ANKFY1: variants seen among roughly 807,000 people sequenced by gnomAD.
ANKFY1 encodes ankyrin repeat and FYVE domain containing 1, also known as ankyrin repeat and FYVE domain-containing protein 1.
A neutral mutation model predicts 128.3 loss-of-function variants in ANKFY1; 47 were observed. The ratio of observed to expected loss-of-function variants is 0.37; its 90% CI spans 0.29 to 0.47. ANKFY1 has a LOEUF of 0.47. Ranked by LOEUF, ANKFY1 falls within the 20% of genes least tolerant of loss-of-function variation. ANKFY1 has a pLI of 1.00. For missense variants in ANKFY1, 1,222 were observed against 1,510.6 expected (o/e 0.81, Z 3.17); for synonymous variants, 553 against 601.6 (o/e 0.92, Z 1.18).
chr17:4,166,612 C>T lies in ANKFY1; in HGVS notation c.*1167G>A, dbSNP rs1043782860. ...GAGACTTCCAAAGTAAGGTGGCGCA[C>T]ACGTGGCCAGGGCCCTTGGCTGGTG... On this transcript the variant is annotated 3_prime_UTR_variant, in exon 25 of 25. Coordinates refer to ENST00000341657, the MANE Select transcript of ANKFY1 (RefSeq NM_001330063.2). 2 of 152,448 alleles carry T rather than the reference C, an allele frequency of 1.3e-5. No individual in the cohort carries two copies. The highest frequency in any genetic ancestry group is 3.8e-4 in the East Asian group (2 of 5,204). The allele number at this position is 152,448 out of a possible 1,614,324, so 9.4% of individuals were successfully genotyped here.
chr17:4,189,494 G>C lies in ANKFY1; in HGVS notation c.1373-15C>G. ...TAAACAGTTTCCTAAAAGAAAATGG[G>C]CATTGCTGATTCTTCTGTTTGCATC... On this transcript the variant is annotated splice_polypyrimidine_tract_variant and intron_variant, in intron 10 of 24. Coordinates refer to ENST00000341657, the MANE Select transcript of ANKFY1 (RefSeq NM_001330063.2). 1.3e-6 allele frequency: 2 copies of C among 1,559,708 alleles called. No homozygotes were observed. The highest frequency in any genetic ancestry group is 1.7e-6 in the Non-Finnish European group (2 of 1,147,846).
Position 4,163,879 on chromosome 17 carries a change from T to G in ANKFY1, c.*3900A>C, listed in dbSNP as rs760222511. ...CTTCTGCATTAGAAGTAACTACAAA[T>G]GTCTTATTAAAGTTTCCACTTTAAA... On this transcript the variant is annotated 3_prime_UTR_variant, in exon 25 of 25. Coordinates refer to ENST00000341657, the MANE Select transcript of ANKFY1 (RefSeq NM_001330063.2). 3.9e-5 allele frequency: 6 copies of G among 152,708 alleles called. No homozygotes were observed. Among genetic ancestry groups the G allele is most frequent in the Non-Finnish European group, 8.8e-5 (6 of 68,056 alleles). The allele number at this position is 152,708 out of a possible 1,614,324, so 9.5% of individuals were successfully genotyped here. A position where few individuals can be genotyped will look rare whatever the true frequency, so the allele number is the denominator to read the frequency against.
chr17:4,261,844 T>C (rs999247180), intron 1 of ANKFY1, among the ~76,000 whole-genome samples: 4 of 152,244 alleles, frequency 2.6e-5, no homozygotes, highest in African/African-American at 7.2e-5. Flanking sequence ...AAGACCTTCC[T>C]GAACCTTTCT....
intron 1 of ANKFY1, among the ~76,000 whole-genome samples, chr17:4,262,762 A>C (rs943490119): frequency 8.6e-5 from 13 of 151,694 alleles, no homozygotes; most frequent in South Asian, 2.1e-4. Flanking sequence ...ACACACACAC[A>C]CCCCCCAAAA....
chr17:4,212,943 G>T (rs1472465603), intron 4 of ANKFY1, among the ~76,000 whole-genome samples: 1 of 151,262 alleles, frequency 6.6e-6, no homozygotes, highest in African/African-American at 2.4e-5. Context: ...GCTAATTTTT[G>T]TATTTTTTTT....
intron 3 of ANKFY1, among the ~76,000 whole-genome samples, chr17:4,232,414 C>T (rs1306009181): frequency 6.6e-6 from 1 of 152,152 alleles, no homozygotes; most frequent in African/African-American, 2.4e-5. Context: ...CATGCCACTA[C>T]CACCTTGGAC....
rs1258075327 is a variant in ANKFY1 at position 4,173,797 on chromosome 17, T to C, written c.2923+112A>G. 5 of 1,394,830 alleles carry C rather than the reference T, an allele frequency of 3.6e-6. No individual in the cohort carries two copies. The East Asian group carries it at 9.2e-5, about 26-fold the overall frequency. The allele number at this position is 1,394,830 out of a possible 1,614,324, so 86.4% of individuals were successfully genotyped here. On this transcript the variant is annotated intron_variant, in intron 20 of 24. Transcript: ENST00000341657. ...CCCAGAGCACTTCCTGTCACAGCTT[T>C]GCTCCTGTAAAAGCCAACCTCCCCA...
chr17:4,187,055 GA>G lies in ANKFY1; in HGVS notation c.1471-2010del. ...GGTACAGGTGGTTTCTGGTTCCACG[GA>G]TAAGTTCTTCGGTGGTGATTTCTTA... On this transcript the variant is annotated intron_variant, in intron 11 of 24. Transcript: ENST00000341657. 3 of 1,214,768 alleles carry G rather than the reference GA, an allele frequency of 2.5e-6. No individual in the cohort carries two copies. The South Asian group carries it at 1.3e-4, about 52-fold the overall frequency. The allele number at this position is 1,214,768 out of a possible 1,614,324, so 75.2% of individuals were successfully genotyped here. A position where few individuals can be genotyped will look rare whatever the true frequency, so the allele number is the denominator to read the frequency against.
chr17:4,236,001 G>GA lies in ANKFY1; in HGVS notation c.204-112dup, dbSNP rs375891788. The GA allele has an allele frequency of 1.9e-4, 137 of 732,894 alleles. No homozygotes were observed. In the African/African-American group the frequency reaches 2.2e-3, roughly 12 times the overall value. 45.4% of individuals were successfully genotyped at this position (732,894 alleles called of 1,614,324 possible). On this transcript the variant is annotated intron_variant, in intron 2 of 24. Transcript: ENST00000341657. ...TATTCATCAACATACATCTGCAAAA[G>GA]AAAAAATTACAGCGAAGAATTATTC...
chr17:4,212,875 A>T (rs1013998914), intron 4 of ANKFY1, among the ~76,000 whole-genome samples: 3 of 149,870 alleles, frequency 2.0e-5, no homozygotes, highest in African/African-American at 7.4e-5. Flanking sequence ...GGTTCAAGCG[A>T]TTCTCCTGCC....
At chr17:4,222,707 TTTATA>T in intron 3 of ANKFY1, 1 of 878,596 alleles carries the variant, frequency 1.1e-6, no homozygotes, top group Non-Finnish European at 2.0e-6. Flanking sequence ...CTACGCGTGT[TTTATA>T]TTAGGGTAGG....
intron 11 of ANKFY1, 30 bp from the exon 12 acceptor site, chr17:4,185,076 G>T: frequency 6.3e-7 from 1 of 1,587,042 alleles, no homozygotes. Context: ...CGAAATCTGA[G>T]CACTCACAGG....
chr17:4,176,067 C>G (rs2059406981), intron 19 of ANKFY1, among the ~76,000 whole-genome samples: 2 of 152,328 alleles, frequency 1.3e-5, no homozygotes, highest in South Asian at 4.1e-4. Flanking sequence ...CTGCTTCCCC[C>G]ACATCCAATC....
chr17:4,187,124 G>T, intron 11 of ANKFY1: 1 of 773,548 alleles, frequency 1.3e-6, no homozygotes, highest in Non-Finnish European at 1.8e-6. Context: ...ACTGTACCCA[G>T]TATCACCCTT....
chr17:4,232,341 C>G (rs1432008257), intron 3 of ANKFY1, among the ~76,000 whole-genome samples: 3 of 152,180 alleles, frequency 2.0e-5, no homozygotes, highest in Non-Finnish European at 4.4e-5. Flanking sequence ...ACTGCAAGCC[C>G]AGGTTTAGGC....
At position 4,179,997 on chromosome 17, in the gene ANKFY1, T is replaced by C. The variant is rs1296336080; in HGVS notation, c.2241-120A>G. 9 of 1,267,996 alleles carry C rather than the reference T, an allele frequency of 7.1e-6. No homozygotes were observed. In the South Asian group the frequency reaches 1.1e-4, roughly 16 times the overall value. 78.5% of individuals were successfully genotyped at this position (1,267,996 alleles called of 1,614,324 possible). ...CAACAGCGTCTGCTGTGGCCGGGTC[T>C]GCTGTCCTTGGTCCCTGGCCTCAAA... On this transcript the variant is annotated intron_variant, in intron 16 of 24. Coordinates refer to ENST00000341657, the MANE Select transcript of ANKFY1 (RefSeq NM_001330063.2).
Position 4,208,018 on chromosome 17 carries a change from G to T in ANKFY1, c.647C>A (p.Ser216Tyr). Residue 216 changes from serine to tyrosine, a missense_variant, in exon 6 of 25, where the codon TCC becomes TAC. By Grantham distance (144) the Ser-to-Tyr change is moderately radical. Transcript: ENST00000341657. The part of the protein sequence containing the change: ...SAQLLYKMIK[S>Y]KTEYPLHKAI... Reference sequence around the variant, plus strand: ...TTTATGTAGCGGGTACTCTGTCTTGGATTTGATCATTTTGTATAACAACTG... The same window carrying T: ...TTTATGTAGCGGGTACTCTGTCTTGTATTTGATCATTTTGTATAACAACTG... 1 of 1,611,494 alleles carries T rather than the reference G, an allele frequency of 6.2e-7. No homozygotes were observed. Among genetic ancestry groups the T allele is most frequent in the East Asian group, 2.2e-5 (1 of 44,646 alleles).
chr17:4,168,877 C>A, intron 24 of ANKFY1: 1 of 314,446 alleles, frequency 3.2e-6, no homozygotes, highest in Non-Finnish European at 6.2e-6. Flanking sequence ...TACTGAGGCA[C>A]ACCATGAGGG....
chr17:4,166,895 CA>C lies in ANKFY1; in HGVS notation c.*883del, dbSNP rs1414661832. On this transcript the variant is annotated 3_prime_UTR_variant, in exon 25 of 25. Transcript: ENST00000341657. Reference sequence around the variant, plus strand: ...GAGCTGAGGTCCAGTCAAAGCTGATCATTAGAATCACTGATGCAGGGATGTG... The same window carrying C: ...GAGCTGAGGTCCAGTCAAAGCTGATCTTAGAATCACTGATGCAGGGATGTG... The C allele has an allele frequency of 2.0e-5, 3 of 152,666 alleles. No individual in the cohort carries two copies. Among genetic ancestry groups the C allele is most frequent in the African/African-American group, 7.2e-5 (3 of 41,556 alleles). 9.5% of individuals were successfully genotyped at this position (152,666 alleles called of 1,614,324 possible). A position where few individuals can be genotyped will look rare whatever the true frequency, so the allele number is the denominator to read the frequency against.
Sources: gnomAD v4.1 joint callset for allele counts (sites outside exome capture counted in the v4.1 genomes callset) on GRCh38, gnomAD v4.1.1 for gene constraint, MANE v1.5 for transcripts, NCBI Gene and HGNC (gene_info 2026-07-23, HGNC 2026-07-21) for gene names.